The following ATXN7L1 variants were observed in gnomAD, a reference collection of about 807,000 sequenced individuals.
ATXN7L1 encodes ataxin 7 like 1.
In ATXN7L1, 15 loss-of-function variants were observed where a neutral mutation model predicts 70.8. That is an observed-to-expected ratio of 0.21 (90% CI 0.14 to 0.33). The LOEUF is 0.33. Among genes scored for constraint, ATXN7L1 ranks in the 10% least tolerant of loss-of-function variants. ATXN7L1 has a pLI of 1.00. For missense variants in ATXN7L1, 975 were observed against 1,097.1 expected, an observed-to-expected ratio of 0.89 and a Z score of 1.57; for synonymous variants, 440 against 445.1, an observed-to-expected ratio of 0.99 and a Z score of 0.14.
At chr7:105,675,157 T>TA (rs3999822) in intron 3 of ATXN7L1, among the ~76,000 whole-genome samples, 11 of 150,522 alleles carry the variant, frequency 7.3e-5, no homozygotes, top group Middle Eastern at 3.4e-3. Flanking sequence ...TTACTACAGT[T>TA]AAAAAAAAAA....
chr7:105,701,605 C>T (rs1792465052), intron 3 of ATXN7L1, among the ~76,000 whole-genome samples: 1 of 152,192 alleles, frequency 6.6e-6, no homozygotes, highest in South Asian at 2.1e-4. Context: ...AGCACCACTC[C>T]TATTTGCACC....
chr7:105,773,210 C>A (rs911339820), intron 3 of ATXN7L1, among the ~76,000 whole-genome samples: 2 of 152,162 alleles, frequency 1.3e-5, no homozygotes, highest in African/African-American at 4.8e-5. Context: ...AACTCCCAGA[C>A]CATTGTAGCT....
chr7:105,875,917 GA>G, intron 1 of ATXN7L1, 37 bp from the exon 2 acceptor site: 1 of 1,592,322 alleles, frequency 6.3e-7, no homozygotes, highest in Non-Finnish European at 8.6e-7. Flanking sequence ...AGAAAATAAG[GA>G]AAAAAGGGGG....
chr7:105,728,168 C>G (rs1383882966), intron 3 of ATXN7L1, among the ~76,000 whole-genome samples: 1 of 152,112 alleles, frequency 6.6e-6, no homozygotes, highest in Non-Finnish European at 1.5e-5. Flanking sequence ...GAAAATCTAA[C>G]TGTATTACAA....
intron 5 of ATXN7L1, among the ~76,000 whole-genome samples, chr7:105,642,617 G>A (rs1178715997): frequency 2.6e-5 from 4 of 152,234 alleles, no homozygotes; most frequent in Admixed American, 1.3e-4. Flanking sequence ...GGTAACTCCC[G>A]CTAAGCACTG....
At chr7:105,875,619 C>T (rs1819028465) in intron 2 of ATXN7L1, among the ~76,000 whole-genome samples, 193 bp downstream of exon 2, 1 of 60,008 alleles carries the variant, frequency 1.7e-5, no homozygotes, top group Non-Finnish European at 4.0e-5. Context: ...ACAGTCTCAC[C>T]CCCCTTTACC....
At chr7:105,750,797 T>C (rs1799119350) in intron 3 of ATXN7L1, among the ~76,000 whole-genome samples, 1 of 152,012 alleles carries the variant, frequency 6.6e-6, no homozygotes, top group Admixed American at 6.6e-5. Flanking sequence ...AGTAAGACTC[T>C]GTCTCGAAAA....
intron 3 of ATXN7L1, among the ~76,000 whole-genome samples, chr7:105,765,315 GAAA>G (rs756390237): frequency 7.2e-6 from 1 of 139,264 alleles, no homozygotes. Flanking sequence ...GCCTGGGTCA[GAAA>G]AAAAAAAAAA....
At chr7:105,728,818 G>C (rs1796199544) in intron 3 of ATXN7L1, among the ~76,000 whole-genome samples, 1 of 152,138 alleles carries the variant, frequency 6.6e-6, no homozygotes, top group African/African-American at 2.4e-5. Context: ...TACAAGGATA[G>C]GTGTGTATCA....
At chr7:105,808,892 A>T (rs776528637) in intron 2 of ATXN7L1, among the ~76,000 whole-genome samples, 2 of 152,250 alleles carry the variant, frequency 1.3e-5, no homozygotes, top group Non-Finnish European at 2.9e-5. Flanking sequence ...CTGTTGGGGA[A>T]GCTCTAACCA....
At chr7:105,835,646 T>A (rs1812272074) in intron 2 of ATXN7L1, among the ~76,000 whole-genome samples, 1 of 152,108 alleles carries the variant, frequency 6.6e-6, no homozygotes. Context: ...GTCCAAAAGT[T>A]CATTTGTAAG....
chr7:105,725,104 G>T (rs1335216100), intron 3 of ATXN7L1, among the ~76,000 whole-genome samples: 1 of 152,154 alleles, frequency 6.6e-6, no homozygotes, highest in Non-Finnish European at 1.5e-5. Flanking sequence ...CACATCCACA[G>T]GTAGGGAGTG....
Position 105,831,757 on chromosome 7 carries a change from G to A in ATXN7L1, c.251-43049C>T, listed in dbSNP as rs576271893. On this transcript the variant is annotated intron_variant, in intron 2 of 11. Coordinates refer to ENST00000419735, the MANE Select transcript of ATXN7L1 (RefSeq NM_020725.2). ...TGACTTAGCTGAACACAGTTAGTGG[G>A]TGGGGTGAAGTGGGGGGCATTGACA... Among the ~76,000 whole-genome samples, 161 of 152,276 alleles carry A rather than the reference G, an allele frequency of 1.1e-3. 1 individual carries two copies. The highest frequency in any genetic ancestry group is 3.9e-3 in the African/African-American group (160 of 41,548).
intron 3 of ATXN7L1, among the ~76,000 whole-genome samples, chr7:105,755,108 AT>A (rs1799653105): frequency 6.6e-6 from 1 of 152,216 alleles, no homozygotes; most frequent in Admixed American, 6.5e-5. Context: ...CTGTGCCCTC[AT>A]CGCCGGTTTC....
chr7:105,839,417 G>A (rs1009687302), intron 2 of ATXN7L1, among the ~76,000 whole-genome samples: 1 of 152,152 alleles, frequency 6.6e-6, no homozygotes, highest in East Asian at 1.9e-4. Context: ...TGGGCACATG[G>A]GTGTAAATGC....
intron 3 of ATXN7L1, among the ~76,000 whole-genome samples, chr7:105,707,384 C>G (rs1331396872): frequency 6.6e-6 from 1 of 152,112 alleles, no homozygotes; most frequent in Non-Finnish European, 1.5e-5. Context: ...GGAAGATGGG[C>G]TCACGGAACC....
At chr7:105,617,176 G>A (rs1391546846) in intron 9 of ATXN7L1, among the ~76,000 whole-genome samples, 1 of 152,008 alleles carries the variant, frequency 6.6e-6, no homozygotes, top group Non-Finnish European at 1.5e-5. Context: ...ACAGGCACCC[G>A]CCACCAGGCC....
At chr7:105,772,994 T>C (rs1399684281) in intron 3 of ATXN7L1, among the ~76,000 whole-genome samples, 1 of 152,192 alleles carries the variant, frequency 6.6e-6, no homozygotes, top group East Asian at 1.9e-4. Flanking sequence ...ATAACTAATG[T>C]TCTCTGACCA....
At chr7:105,684,213 T>A (rs1443965114) in intron 3 of ATXN7L1, among the ~76,000 whole-genome samples, 1 of 152,240 alleles carries the variant, frequency 6.6e-6, no homozygotes, top group Non-Finnish European at 1.5e-5. Context: ...CATGTCTGCG[T>A]TGTGGGAGTC....
Sources: allele counts gnomAD v4.1 joint callset (sites outside exome capture counted in the v4.1 genomes callset), GRCh38; gene constraint gnomAD v4.1.1; transcripts MANE v1.5; gene names NCBI Gene and HGNC (gene_info 2026-07-23, HGNC 2026-07-21).